VSTM1: variants seen among roughly 807,000 people sequenced by gnomAD.
VSTM1 encodes the protein V-set and transmembrane domain containing 1.
VSTM1 carries 27 observed loss-of-function variants against 33.1 expected under a neutral mutation model. The observed-to-expected ratio is 0.82, with a 90% confidence interval of 0.60 to 1.12. The LOEUF is 1.12. Among genes scored for constraint, VSTM1 ranks in the 50% most tolerant of loss-of-function variants. VSTM1 has a pLI of 0.00. For synonymous variants in VSTM1, 115 were observed against 110.3 expected, an observed-to-expected ratio of 1.04 and a Z score of -0.27; for missense variants, 304 against 288.9, an observed-to-expected ratio of 1.05 and a Z score of -0.38.
intron 3 of VSTM1, among the ~76,000 whole-genome samples, chr19:54,052,303 C>G (rs62147264): frequency 0.1 from 13,358 of 127,880 alleles, 1,506 homozygotes; most frequent in South Asian, 0.15. Context: ...GAGGCTGAGG[C>G]AGGAGAATGG....
At chr19:54,063,269 C>T (rs1172846393) in intron 1 of VSTM1, among the ~76,000 whole-genome samples, 3 of 151,840 alleles carry the variant, frequency 2.0e-5, no homozygotes, top group African/African-American at 7.3e-5. Context: ...ACCTGGGAGA[C>T]GGAGGTTGCA....
intron 8 of VSTM1, 91 bp downstream of exon 8, chr19:54,041,688 A>G: frequency 7.4e-7 from 1 of 1,349,344 alleles, no homozygotes; most frequent in East Asian, 2.3e-5. Flanking sequence ...TAAACAGTAT[A>G]CATTTCTGTA....
intron 4 of VSTM1, among the ~76,000 whole-genome samples, chr19:54,046,796 C>A (rs151203330): frequency 6.6e-6 from 1 of 152,310 alleles, no homozygotes; most frequent in East Asian, 1.9e-4. Context: ...TTCTCTGTCT[C>A]CACTGCTTTC....
intron 4 of VSTM1, among the ~76,000 whole-genome samples, chr19:54,047,380 C>G (rs117799865): frequency 6.6e-6 from 1 of 151,826 alleles, no homozygotes; most frequent in Non-Finnish European, 1.5e-5. Context: ...GGAACCTCCC[C>G]CTCTGGGGTT....
chr19:54,041,295 A>T (rs192971465), intron 8 of VSTM1, among the ~76,000 whole-genome samples: 1,589 of 151,370 alleles, frequency 0.01, 20 homozygotes, highest in African/African-American at 0.03. Flanking sequence ...CATTTTTTTT[A>T]AATTTTTATT....
In VSTM1 at chr19:54,042,344, G is replaced by T. The variant is rs754127263; in HGVS notation, c.420C>A (p.Ile140=). ...GGAGAAGGATGGAGATGCAGCTGAAGATGGCGACAAAGATGGTTCTGGTGT... is the reference window on the plus strand; with the variant it reads ...GGAGAAGGATGGAGATGCAGCTGAATATGGCGACAAAGATGGTTCTGGTGT... The part of the protein sequence containing the change: ...KTDTRTIFVA[I]FSCISILLLF... Residue 140 remains isoleucine (I), a synonymous_variant, in exon 5 of 9, where the codon ATC becomes ATA. Transcript: ENST00000338372. 6.2e-7 allele frequency: 1 copy of T among 1,613,888 alleles called. No individual in the cohort carries two copies. Among genetic ancestry groups the T allele is most frequent in the Admixed American group, 1.7e-5 (1 of 59,992 alleles).
chr19:54,044,619 C>CA (rs1242539016), intron 4 of VSTM1, among the ~76,000 whole-genome samples: 15 of 151,948 alleles, frequency 9.9e-5, no homozygotes, highest in African/African-American at 3.1e-4. Flanking sequence ...CAAAACAAAA[C>CA]AAAAAAAACT....
At position 54,043,822 on chromosome 19, in the gene VSTM1, G is replaced by A. The variant is rs138592874; in HGVS notation, c.395-1453C>T. Among the ~76,000 whole-genome samples, 3 of 152,246 alleles carry A rather than the reference G, an allele frequency of 2.0e-5. No homozygotes were observed. In the East Asian group the frequency reaches 5.8e-4, roughly 29 times the overall value. ...TTCCTTTTTCTTTTTTTAAAGGAGA[G>A]AGAGAGATGTGAAAGGACGGGATGT... On this transcript the variant is annotated intron_variant, in intron 4 of 8. Transcript: ENST00000338372.
chr19:54,052,981 C>CAAAA (rs34017003), intron 3 of VSTM1: 7 of 50,832 alleles, frequency 1.4e-4, no homozygotes, highest in South Asian at 1.3e-3. Flanking sequence ...GACCCTGTCT[C>CAAAA]AAAAAAAAAA....
At chr19:54,061,716 T>C (rs1187547631) in intron 1 of VSTM1, among the ~76,000 whole-genome samples, 1 of 151,984 alleles carries the variant, frequency 6.6e-6, no homozygotes, top group African/African-American at 2.4e-5. Flanking sequence ...CTCAGAAGGC[T>C]GCGGGGAGGA....
chr19:54,041,651 G>A (rs1274177491), intron 8 of VSTM1, 128 bp downstream of exon 8: 4 of 1,090,792 alleles, frequency 3.7e-6, no homozygotes, highest in South Asian at 3.1e-5. Context: ...GGGGAGTTTC[G>A]TGACTTGTCT....
intron 3 of VSTM1, among the ~76,000 whole-genome samples, chr19:54,056,847 ATCCTTCT>A (rs149586664): frequency 0.064 from 8,834 of 137,140 alleles, 1,591 homozygotes; most frequent in Admixed American, 0.12. Context: ...TGTTGCATCT[ATCCTTCT>A]TCTTCTTTTT....
At chr19:54,042,034 G>A in intron 6 of VSTM1, 81 bp from the exon 7 acceptor site, 1 of 1,604,646 alleles carries the variant, frequency 6.2e-7, no homozygotes. Context: ...GGAGAGGAAG[G>A]GAGAAGAAGG....
intron 4 of VSTM1, among the ~76,000 whole-genome samples, chr19:54,046,727 G>A (rs1362124574): frequency 6.6e-6 from 1 of 151,974 alleles, no homozygotes; most frequent in Non-Finnish European, 1.5e-5. Context: ...TACATGCCCG[G>A]GACAAACTGC....
chr19:54,049,063 G>A (rs767780971), intron 4 of VSTM1, among the ~76,000 whole-genome samples: 4 of 151,984 alleles, frequency 2.6e-5, no homozygotes, highest in Admixed American at 6.6e-5. Context: ...CAGCCTGGGC[G>A]ACAGAGCAAG....
In VSTM1 at chr19:54,061,899, T is replaced by C. The variant is rs557078400; in HGVS notation, c.34+1845A>G. ...TGCCGGGAGCGCTGGCTCACGCCTGTAATCTCAACAGTTTGGGAGGCTGAG... is the reference window on the plus strand; with the variant it reads ...TGCCGGGAGCGCTGGCTCACGCCTGCAATCTCAACAGTTTGGGAGGCTGAG... On this transcript the variant is annotated intron_variant, in intron 1 of 8. Coordinates refer to ENST00000338372, the MANE Select transcript of VSTM1 (RefSeq NM_198481.4). 7.2e-5 allele frequency among the ~76,000 whole-genome samples: 11 copies of C among 152,148 alleles called. No homozygotes were observed. The East Asian group carries it at 2.1e-3, about 29-fold the overall frequency.
At chr19:54,050,718 G>C (rs1304892223) in intron 4 of VSTM1, among the ~76,000 whole-genome samples, 1 of 152,100 alleles carries the variant, frequency 6.6e-6, no homozygotes, top group Non-Finnish European at 1.5e-5. Context: ...GGTGGCTCAT[G>C]CCTGTAATCC....
chr19:54,042,841 T>TATATATATATATATAC (rs2070389261), intron 4 of VSTM1, among the ~76,000 whole-genome samples: 2 of 96,422 alleles, frequency 2.1e-5, no homozygotes, highest in Admixed American at 1.2e-4. Context: ...TATATATACA[T>TATATATATATATATAC]ATATATATAT....
At chr19:54,042,760 A>G (rs202190456) in intron 4 of VSTM1, among the ~76,000 whole-genome samples, 78 of 92,498 alleles carry the variant, frequency 8.4e-4, no homozygotes, top group East Asian at 8.3e-3. Context: ...GTGTGTGTGT[A>G]TATATATATA....
Sources: allele counts gnomAD v4.1 joint callset (sites outside exome capture counted in the v4.1 genomes callset), GRCh38; gene constraint gnomAD v4.1.1; transcripts MANE v1.5; gene names NCBI Gene and HGNC (gene_info 2026-07-23, HGNC 2026-07-21).